Variants in IGF2BP2 observed in about 807,000 individuals in gnomAD.
IGF2BP2 encodes the protein insulin-like growth factor 2 mRNA-binding protein 2.
A neutral mutation model predicts 75.8 loss-of-function variants in IGF2BP2; 17 were observed. The ratio of observed to expected loss-of-function variants is 0.22; its 90% CI spans 0.15 to 0.34. The LOEUF (loss-of-function observed/expected upper bound fraction) is 0.34, where lower values mean the gene tolerates loss of function less well. Ranked by LOEUF, IGF2BP2 falls within the 10% of genes least tolerant of loss-of-function variation. The pLI, the probability that IGF2BP2 is intolerant of heterozygous loss-of-function variation, is 1.00. For synonymous variants in IGF2BP2, 288 were observed against 295.6 expected, an observed-to-expected ratio of 0.97 and a Z score of 0.26; for missense variants, 516 against 772.4, an observed-to-expected ratio of 0.67 and a Z score of 3.93.
At chr3:185,728,629 T>A (rs1415099532) in intron 2 of IGF2BP2, 2 of 152,210 alleles carry the variant, frequency 1.3e-5, no homozygotes, top group Admixed American at 1.3e-4. Context: ...ATTTATGGTT[T>A]AACTATTGAA....
intron 2 of IGF2BP2, among the ~76,000 whole-genome samples, chr3:185,789,069 T>G (rs4389513): frequency 0.45 from 67,968 of 151,888 alleles, 18,157 homozygotes; most frequent in African/African-American, 0.77. Flanking sequence ...GAGTGAAGTG[T>G]CTATTCACAG....
intron 2 of IGF2BP2, among the ~76,000 whole-genome samples, chr3:185,822,714 AAACT>A (rs1436707796): frequency 6.6e-6 from 1 of 152,248 alleles, no homozygotes; most frequent in Non-Finnish European, 1.5e-5. Context: ...ATTCAACATT[AAACT>A]ATCTAAAAGA....
intron 10 of IGF2BP2, among the ~76,000 whole-genome samples, chr3:185,670,546 A>G (rs1197777132): frequency 1.3e-5 from 2 of 152,104 alleles, no homozygotes; most frequent in Non-Finnish European, 2.9e-5. Context: ...GCTGACTCCT[A>G]TATTTGAGAT....
chr3:185,653,147 T>G (rs763706051), intron 12 of IGF2BP2, among the ~76,000 whole-genome samples: 1 of 152,056 alleles, frequency 6.6e-6, no homozygotes, highest in Non-Finnish European at 1.5e-5. Context: ...TCAGTTTCTG[T>G]GAGTTCAGGT....
chr3:185,746,623 T>C (rs1311847924), intron 2 of IGF2BP2, among the ~76,000 whole-genome samples: 1 of 152,192 alleles, frequency 6.6e-6, no homozygotes, highest in Non-Finnish European at 1.5e-5. Flanking sequence ...TTATAAGCTT[T>C]GTGTACCTTT....
At chr3:185,729,993 A>C (rs1309492802) in intron 2 of IGF2BP2, among the ~76,000 whole-genome samples, 1 of 152,142 alleles carries the variant, frequency 6.6e-6, no homozygotes, top group African/African-American at 2.4e-5. Flanking sequence ...TTTGGTTTTC[A>C]TGTCTCCAGG....
At chr3:185,803,997 G>A (rs1179473767) in intron 2 of IGF2BP2, among the ~76,000 whole-genome samples, 1 of 152,146 alleles carries the variant, frequency 6.6e-6, no homozygotes, top group African/African-American at 2.4e-5. Flanking sequence ...AGCGGCTCAC[G>A]CCTATAATCC....
At chr3:185,756,232 T>C (rs921192003) in intron 2 of IGF2BP2, among the ~76,000 whole-genome samples, 3 of 152,172 alleles carry the variant, frequency 2.0e-5, no homozygotes, top group African/African-American at 7.2e-5. Flanking sequence ...ATGACACGCC[T>C]GCTCTCCCTT....
chr3:185,790,882 A>C (rs140487914), intron 2 of IGF2BP2, among the ~76,000 whole-genome samples: 1 of 152,360 alleles, frequency 6.6e-6, no homozygotes. Flanking sequence ...GTCTAATCAA[A>C]GACTACGTAA....
intron 2 of IGF2BP2, among the ~76,000 whole-genome samples, chr3:185,709,793 C>T (rs1264984397): frequency 1.3e-5 from 2 of 152,164 alleles, no homozygotes; most frequent in Non-Finnish European, 2.9e-5. Flanking sequence ...AGAGTATCTC[C>T]CATTTCACAC....
At chr3:185,719,649 C>T (rs1002320001) in intron 2 of IGF2BP2, among the ~76,000 whole-genome samples, 2 of 152,178 alleles carry the variant, frequency 1.3e-5, no homozygotes, top group Non-Finnish European at 2.9e-5. Flanking sequence ...GCCTGGCCAA[C>T]GTGGCGAAAC....
chr3:185,740,506 A>T (rs1560390874), intron 2 of IGF2BP2, among the ~76,000 whole-genome samples: 1 of 152,236 alleles, frequency 6.6e-6, no homozygotes, highest in Non-Finnish European at 1.5e-5. Context: ...CTCACCTCCC[A>T]ACCTTAGAAG....
At chr3:185,734,538 A>C (rs1728605188) in intron 2 of IGF2BP2, among the ~76,000 whole-genome samples, 1 of 152,224 alleles carries the variant, frequency 6.6e-6, no homozygotes, top group Non-Finnish European at 1.5e-5. Flanking sequence ...TCACTTTTGC[A>C]TTGTTAAAAA....
chr3:185,720,633 ACACTGACAGGC>A (rs1726391266), intron 2 of IGF2BP2, among the ~76,000 whole-genome samples: 1 of 152,192 alleles, frequency 6.6e-6, no homozygotes, highest in Non-Finnish European at 1.5e-5. Flanking sequence ...ATATCTAAGG[ACACTGACAGGC>A]CACTACGAAG....
In IGF2BP2 at chr3:185,643,699, G is replaced by A. The variant is rs528933539; in HGVS notation, c.*1832C>T. ...CTAGGACTCAGCTGACACCTGGGAT[G>A]AGGCAATGCCTAGTAAAATAAAACA... On this transcript the variant is annotated 3_prime_UTR_variant, in exon 16 of 16. Coordinates refer to ENST00000382199, the MANE Select transcript of IGF2BP2 (RefSeq NM_006548.6). 9.2e-4 allele frequency: 141 copies of A among 152,496 alleles called. 1 individual carries two copies. The highest frequency in any genetic ancestry group is 3.1e-3 in the African/African-American group (128 of 41,498). 9.4% of individuals were successfully genotyped at this position (152,496 alleles called of 1,614,324 possible). A position where few individuals can be genotyped will look rare whatever the true frequency, so the allele number is the denominator to read the frequency against.
chr3:185,654,282 G>T (rs1446105855), intron 12 of IGF2BP2, among the ~76,000 whole-genome samples: 1 of 152,152 alleles, frequency 6.6e-6, no homozygotes, highest in Non-Finnish European at 1.5e-5. Context: ...GTGTGTCCAG[G>T]GGTCTGACAC....
intron 5 of IGF2BP2, among the ~76,000 whole-genome samples, chr3:185,690,876 T>C (rs1420377428): frequency 6.6e-6 from 1 of 152,210 alleles, no homozygotes; most frequent in East Asian, 1.9e-4. Flanking sequence ...TCACATATTT[T>C]TAGTAGCATT....
intron 2 of IGF2BP2, among the ~76,000 whole-genome samples, chr3:185,807,317 A>C (rs1578374847): frequency 6.6e-6 from 1 of 152,250 alleles, no homozygotes; most frequent in South Asian, 2.1e-4. Context: ...CCCCACCTAA[A>C]GCACTGAGAA....
intron 2 of IGF2BP2, among the ~76,000 whole-genome samples, chr3:185,760,330 C>T (rs1272607048): frequency 6.6e-6 from 1 of 151,780 alleles, no homozygotes; most frequent in Non-Finnish European, 1.5e-5. Context: ...GTTTTTTTTT[C>T]CCTTCAGTAT....
Sources: allele counts gnomAD v4.1 joint callset (sites outside exome capture counted in the v4.1 genomes callset), GRCh38; gene constraint gnomAD v4.1.1; transcripts MANE v1.5; gene names NCBI Gene and HGNC (gene_info 2026-07-23, HGNC 2026-07-21).